Variants in NR3C2 observed in about 807,000 individuals in gnomAD.
The protein encoded by NR3C2 is nuclear receptor subfamily 3 group C member 2, also known as mineralocorticoid receptor.
In NR3C2, 15 loss-of-function variants were observed where a neutral mutation model predicts 86.4. The observed-to-expected ratio is 0.17, with a 90% CI of 0.12 to 0.27. The LOEUF is 0.27. NR3C2 is among the 10% of genes least tolerant of loss of function. NR3C2 has a pLI of 1.00. For missense variants in NR3C2, 960 were observed against 1,195.6 expected, an observed-to-expected ratio of 0.80 and a Z score of 2.91; for synonymous variants, 458 against 450.5, an observed-to-expected ratio of 1.02 and a Z score of -0.21.
At chr4:148,363,997 T>C (rs2126326132) in intron 2 of NR3C2, among the ~76,000 whole-genome samples, 1 of 152,366 alleles carries the variant, frequency 6.6e-6, no homozygotes, top group Middle Eastern at 3.4e-3. Context: ...TTCAAACATA[T>C]GCCCTTACAA....
At chr4:148,157,724 C>T (rs1175279451) in intron 4 of NR3C2, among the ~76,000 whole-genome samples, 3 of 152,124 alleles carry the variant, frequency 2.0e-5, no homozygotes, top group Non-Finnish European at 4.4e-5. Flanking sequence ...ATTCTTGAAG[C>T]AAACAGACAC....
chr4:148,180,035 C>T (rs1735570754), intron 4 of NR3C2, among the ~76,000 whole-genome samples: 2 of 151,762 alleles, frequency 1.3e-5, no homozygotes, highest in Admixed American at 6.6e-5. Context: ...ACTCAATACA[C>T]TTGGGCTTTC....
chr4:148,185,112 T>C (rs1029625822), intron 4 of NR3C2, among the ~76,000 whole-genome samples: 4 of 152,232 alleles, frequency 2.6e-5, no homozygotes, highest in Admixed American at 6.5e-5. Flanking sequence ...CAGTAATCGC[T>C]TTCTTCTCAC....
chr4:148,417,502 A>G (rs1749071046), intron 2 of NR3C2, among the ~76,000 whole-genome samples: 1 of 152,154 alleles, frequency 6.6e-6, no homozygotes. Context: ...GATACTATAG[A>G]TGGTTTTATA....
chr4:148,387,359 T>C (rs28648617), intron 2 of NR3C2, among the ~76,000 whole-genome samples: 15,812 of 152,204 alleles, frequency 0.1, 980 homozygotes, highest in Middle Eastern at 0.31. Flanking sequence ...GCTACCTACC[T>C]GCCCTGGGCT....
chr4:148,136,069 A>AAAC (rs1560939949), intron 6 of NR3C2, among the ~76,000 whole-genome samples: 16 of 87,136 alleles, frequency 1.8e-4, no homozygotes, highest in East Asian at 8.1e-4. Flanking sequence ...AAAAAAAAAA[A>AAAC]AAAAAAACAA....
chr4:148,120,099 C>T, intron 7 of NR3C2, 59 bp downstream of exon 7: 1 of 1,607,162 alleles, frequency 6.2e-7, no homozygotes, highest in South Asian at 1.1e-5. Context: ...TAGCCTACTG[C>T]CCTATGGGGA....
intron 2 of NR3C2, among the ~76,000 whole-genome samples, chr4:148,264,108 C>G (rs531738430): frequency 8.4e-4 from 128 of 152,254 alleles, no homozygotes; most frequent in Non-Finnish European, 1.6e-3. Context: ...GTTCAATTCC[C>G]ATATGGTTCA....
chr4:148,216,860 G>A (rs1473892561), intron 3 of NR3C2, among the ~76,000 whole-genome samples: 1 of 152,100 alleles, frequency 6.6e-6, no homozygotes, highest in Non-Finnish European at 1.5e-5. Flanking sequence ...CACAACCAGA[G>A]GTACGGTCTC....
At chr4:148,273,946 A>G (rs1009780962) in intron 2 of NR3C2, among the ~76,000 whole-genome samples, 1 of 152,190 alleles carries the variant, frequency 6.6e-6, no homozygotes, top group Non-Finnish European at 1.5e-5. Flanking sequence ...AAAGATGTGG[A>G]TAACAATGTC....
intron 8 of NR3C2, among the ~76,000 whole-genome samples, chr4:148,102,432 C>T (rs1444713048): frequency 6.6e-6 from 1 of 152,196 alleles, no homozygotes; most frequent in East Asian, 1.9e-4. Context: ...CCTAAACAAG[C>T]TCTTCATCCC....
At chr4:148,106,661 CAG>C (rs1731813170) in intron 8 of NR3C2, among the ~76,000 whole-genome samples, 1 of 152,146 alleles carries the variant, frequency 6.6e-6, no homozygotes, top group Non-Finnish European at 1.5e-5. Context: ...GGTACCAAAA[CAG>C]ATATATAGAC....
chr4:148,438,973 G>T (rs556726697), intron 1 of NR3C2, among the ~76,000 whole-genome samples: 44 of 152,238 alleles, frequency 2.9e-4, no homozygotes, highest in African/African-American at 1.1e-3. Flanking sequence ...AACATCCTAT[G>T]AATTCCTAAT....
intron 2 of NR3C2, among the ~76,000 whole-genome samples, chr4:148,297,868 G>A (rs1187739342): frequency 1.4e-5 from 2 of 147,000 alleles, no homozygotes; most frequent in East Asian, 2.0e-4. Flanking sequence ...CAGCCTGGGC[G>A]ACAAAAGTGA....
At chr4:148,216,995 G>T (rs1560983127) in intron 3 of NR3C2, among the ~76,000 whole-genome samples, 1 of 152,190 alleles carries the variant, frequency 6.6e-6, no homozygotes, top group Non-Finnish European at 1.5e-5. Context: ...AGCCAAACGT[G>T]AACTGAAACT....
intron 2 of NR3C2, among the ~76,000 whole-genome samples, chr4:148,396,639 T>C (rs1747874744): frequency 6.6e-6 from 1 of 152,172 alleles, no homozygotes; most frequent in Non-Finnish European, 1.5e-5. Context: ...TGAATAATAA[T>C]ATAGGGACAA....
intron 2 of NR3C2, among the ~76,000 whole-genome samples, chr4:148,431,934 T>A (rs909322187): frequency 2.0e-5 from 3 of 152,096 alleles, no homozygotes; most frequent in African/African-American, 7.2e-5. Context: ...GAGCATTTGT[T>A]TATGTGAGTT....
At chr4:148,137,221 A>G (rs963199257) in intron 6 of NR3C2, among the ~76,000 whole-genome samples, 8 of 152,138 alleles carry the variant, frequency 5.3e-5, no homozygotes, top group Non-Finnish European at 8.8e-5. Context: ...AGACACTTCC[A>G]TCTCCATTAT....
At position 148,385,995 on chromosome 4, in the gene NR3C2, G is replaced by A. The variant is rs544578841; in HGVS notation, c.1757+49109C>T. On this transcript the variant is annotated intron_variant, in intron 2 of 8. Transcript: ENST00000358102. Reference sequence around the variant, plus strand: ...TTTCAGATACGTGGGTGTGCCAGAGGTGCTCTCTGCTGGAGGCACAGACAG... The same window carrying A: ...TTTCAGATACGTGGGTGTGCCAGAGATGCTCTCTGCTGGAGGCACAGACAG... Among the ~76,000 whole-genome samples the A allele has an allele frequency of 3.9e-5, 6 of 152,300 alleles. No homozygotes were observed. The South Asian group carries it at 1.2e-3, about 32-fold the overall frequency.
Sources: gnomAD v4.1 joint callset for allele counts (sites outside exome capture counted in the v4.1 genomes callset) on GRCh38, gnomAD v4.1.1 for gene constraint, MANE v1.5 for transcripts, NCBI Gene and HGNC (gene_info 2026-07-23, HGNC 2026-07-21) for gene names.